The following NUP214 variants were observed in gnomAD, a reference collection of about 807,000 sequenced individuals.
The protein encoded by NUP214 is nuclear pore complex protein Nup214.
In NUP214, 79 loss-of-function variants were observed where a neutral mutation model predicts 196.2. The ratio of observed to expected loss-of-function variants is 0.40; its 90% confidence interval spans 0.34 to 0.49. The LOEUF is 0.49. NUP214 is among the 20% of genes least tolerant of loss of function. NUP214 has a pLI of 0.58. For synonymous variants in NUP214, 1,020 were observed against 990.5 expected (o/e 1.03, Z -0.56); for missense variants, 2,468 against 2,539.0 (o/e 0.97, Z 0.60).
At chr9:131,175,131 T>G (rs1833078433) in intron 22 of NUP214, among the ~76,000 whole-genome samples, 1 of 152,180 alleles carries the variant, frequency 6.6e-6, no homozygotes, top group African/African-American at 2.4e-5. Flanking sequence ...TGCATCAAAG[T>G]GACTTCCAGC....
At chr9:131,193,557 GC>G (rs146992239) in intron 27 of NUP214, among the ~76,000 whole-genome samples, 1 of 143,464 alleles carries the variant, frequency 7.0e-6, no homozygotes, top group Non-Finnish European at 1.5e-5. Flanking sequence ...GTAGGTCAAT[GC>G]CAAGAATTAT....
chr9:131,230,929 G>A (rs1834859186), intron 34 of NUP214, among the ~76,000 whole-genome samples, 160 bp downstream of exon 34: 1 of 152,136 alleles, frequency 6.6e-6, no homozygotes, highest in African/African-American at 2.4e-5. Flanking sequence ...GGGAGACCAA[G>A]GCAGGAGGAT....
intron 2 of NUP214, 24 bp downstream of exon 2, chr9:131,127,743 A>C: frequency 6.4e-7 from 1 of 1,568,384 alleles, no homozygotes; most frequent in Non-Finnish European, 8.8e-7. Context: ...TTTATGTTGC[A>C]AAGTAGAGAG....
chr9:131,132,270 C>T (rs1410980632), intron 5 of NUP214, among the ~76,000 whole-genome samples: 2 of 151,946 alleles, frequency 1.3e-5, no homozygotes, highest in Non-Finnish European at 2.9e-5. Flanking sequence ...CGGCACCCGC[C>T]ACCACACCCA....
chr9:131,233,621 C>G lies in NUP214; in HGVS notation c.*134C>G. 1 of 915,684 alleles carries G rather than the reference C, an allele frequency of 1.1e-6. No individual in the cohort carries two copies. Among genetic ancestry groups the G allele is most frequent in the Non-Finnish European group, 1.7e-6 (1 of 576,376 alleles). The allele number at this position is 915,684 out of a possible 1,614,324, so 56.7% of individuals were successfully genotyped here. A position where few individuals can be genotyped will look rare whatever the true frequency, so the allele number is the denominator to read the frequency against. Reference sequence around the variant, plus strand: ...ACACCCAGAAAGAAACAACAGAAACCAAAACTCACAAGGCGCATGATTACT... The same window carrying G: ...ACACCCAGAAAGAAACAACAGAAACGAAAACTCACAAGGCGCATGATTACT... On this transcript the variant is annotated 3_prime_UTR_variant, in exon 36 of 36. Transcript: ENST00000359428.
rs537198437 is a variant in NUP214, at chr9:131,149,717, A to G, written c.2041-607A>G. On this transcript the variant is annotated intron_variant, in intron 14 of 35. Coordinates refer to ENST00000359428, the MANE Select transcript of NUP214 (RefSeq NM_005085.4). ...GTAAAACACCAGTAGTAGCTTTCCA[A>G]CACGTTTAGAATAGAACCCAAACTC... Among the ~76,000 whole-genome samples the G allele has an allele frequency of 5.3e-5, 8 of 152,212 alleles. No individual in the cohort carries two copies. The East Asian group carries it at 1.5e-3, about 29-fold the overall frequency.
chr9:131,201,302 A>G (rs1416496736), intron 29 of NUP214, among the ~76,000 whole-genome samples: 1 of 151,738 alleles, frequency 6.6e-6, no homozygotes. Context: ...CCCCGTCTGT[A>G]CTGAAAATAC....
chr9:131,129,469 T>C lies in NUP214; in HGVS notation c.584T>C (p.Val195Ala). Residue 195 changes from valine (V) to alanine (A), a missense_variant, in exon 4 of 36, where the codon GTA (valine) becomes GCA (alanine). Around this residue, in one of 5 missense-constraint regions of NUP214, gnomAD observed 392 missense variants for 417.9 expected, o/e 0.94. Transcript: ENST00000359428. Reference sequence around the variant, plus strand: ...GCAACTCTTCCTTCCACGGTAGCAGTAACCTCTGGTGAGTAATAAAGGCTT... The same window carrying C: ...GCAACTCTTCCTTCCACGGTAGCAGCAACCTCTGGTGAGTAATAAAGGCTT... ...VCATLPSTVAVTSVCWSPKGK... is the reference protein window; with the variant it reads ...VCATLPSTVAATSVCWSPKGK... 6.2e-7 allele frequency: 1 copy of C among 1,614,078 alleles called. No homozygotes were observed.
At chr9:131,180,150 C>CA (rs1442508168) in intron 24 of NUP214, among the ~76,000 whole-genome samples, 2 of 152,128 alleles carry the variant, frequency 1.3e-5, no homozygotes, top group African/African-American at 2.4e-5. Context: ...CTCTTTCTGA[C>CA]AAAAAATCTC....
At chr9:131,158,664 A>G (rs1400178143) in intron 17 of NUP214, among the ~76,000 whole-genome samples, 1 of 152,222 alleles carries the variant, frequency 6.6e-6, no homozygotes, top group Non-Finnish European at 1.5e-5. Context: ...TATGGGTGGG[A>G]GAGCAAAATC....
chr9:131,227,999 G>GGGGGGGGGGGGGGGGGA (rs1554743215), intron 32 of NUP214, among the ~76,000 whole-genome samples, 161 bp from the exon 33 acceptor site: 10 of 133,412 alleles, frequency 7.5e-5, no homozygotes, highest in Non-Finnish European at 1.3e-4. Flanking sequence ...GGGGAGGGGG[G>GGGGGGGGGGGGGGGGGA]GTGTTGCCCT....
Position 131,234,443 on chromosome 9 carries a change from A to G in NUP214, c.*956A>G, listed in dbSNP as rs1834959590. 2 of 232,090 alleles carry G rather than the reference A, an allele frequency of 8.6e-6. No homozygotes were observed. Among genetic ancestry groups the G allele is most frequent in the Non-Finnish European group, 1.7e-5 (2 of 117,420 alleles). 14.4% of individuals were successfully genotyped at this position (232,090 alleles called of 1,614,324 possible). On this transcript the variant is annotated 3_prime_UTR_variant, in exon 36 of 36. Transcript: ENST00000359428. ...AGTGCTTCTTTATCTTTAATGCAGTATCTTTGAGGCCTGTAACATCCTAGA... is the reference window on the plus strand; with the variant it reads ...AGTGCTTCTTTATCTTTAATGCAGTGTCTTTGAGGCCTGTAACATCCTAGA...
intron 30 of NUP214, among the ~76,000 whole-genome samples, chr9:131,210,481 A>AGCCG (rs1345870220): frequency 6.6e-6 from 1 of 152,084 alleles, no homozygotes; most frequent in Non-Finnish European, 1.5e-5. Context: ...TACTAAAATT[A>AGCCG]GCCGGCATGG....
chr9:131,164,042 G>A lies in NUP214; in HGVS notation c.2810-19G>A. 6.2e-7 allele frequency: 1 copy of A among 1,614,016 alleles called. No individual in the cohort carries two copies. The highest frequency in any genetic ancestry group is 8.5e-7 in the Non-Finnish European group (1 of 1,179,964). On this transcript the variant is annotated intron_variant, in intron 20 of 35. Transcript: ENST00000359428. ...AAAACTGAGTCTTAATCATTTATGGGTTTATGGATTTCTTGCAGCCAAACT... is the reference window on the plus strand; with the variant it reads ...AAAACTGAGTCTTAATCATTTATGGATTTATGGATTTCTTGCAGCCAAACT...
chr9:131,151,704 T>TTTA, intron 16 of NUP214, 32 bp from the exon 17 acceptor site: 2 of 1,572,474 alleles, frequency 1.3e-6, no homozygotes, highest in Non-Finnish European at 8.6e-7. Flanking sequence ...GTAACAACTT[T>TTTA]TTGTACCAAC....
Position 131,197,786 on chromosome 9 carries a change from C to T in NUP214, c.4292C>T (p.Ser1431Phe), listed in dbSNP as rs756348885. Reference protein sequence around the residue: ...SSGVISFGGTSLSAGKTSFSF... With the variant: ...SSGVISFGGTFLSAGKTSFSF... The stretch of plus-strand genomic sequence containing the variant: ...GGGGTCATCAGTTTTGGTGGGACAT[C>T]TCTAAGTGCTGGCAAGACTAGTTTT... The change falls in exon 29 of 36, where the codon TCT becomes TTT. Residue 1431 changes from serine (S) to phenylalanine (F), a missense_variant. Physicochemically the swap from Ser to Phe is radical, Grantham distance 155. Coordinates refer to ENST00000359428, the MANE Select transcript of NUP214 (RefSeq NM_005085.4). The T allele has an allele frequency of 1.2e-6, 2 of 1,614,184 alleles. No individual in the cohort carries two copies. The highest frequency in any genetic ancestry group is 3.3e-5 in the Admixed American group (2 of 60,018).
At chr9:131,193,332 T>C (rs550494676) in intron 27 of NUP214, among the ~76,000 whole-genome samples, 32 of 152,292 alleles carry the variant, frequency 2.1e-4, no homozygotes, top group African/African-American at 7.2e-4. Flanking sequence ...TAGAAAAGCC[T>C]CTTAAGTTCT....
At chr9:131,191,588 T>C (rs1833603360) in intron 26 of NUP214, 1 of 152,186 alleles carries the variant, frequency 6.6e-6, no homozygotes. Flanking sequence ...ACTTTTAACC[T>C]TTTTGCATGT....
intron 14 of NUP214, chr9:131,149,853 T>A (rs2133511472): frequency 6.5e-6 from 1 of 154,970 alleles, no homozygotes; most frequent in East Asian, 1.9e-4. Context: ...TTTTCTTTGC[T>A]AAGGTTTCTC....
Sources: gnomAD v4.1 joint callset for allele counts (sites outside exome capture counted in the v4.1 genomes callset) on GRCh38, gnomAD v4.1.1 for gene constraint, gnomAD v4.1.1 regional missense constraint, MANE v1.5 for transcripts, NCBI Gene and HGNC (gene_info 2026-07-23, HGNC 2026-07-21) for gene names.